The following FAM185A variants were observed in gnomAD, a reference collection of about 807,000 sequenced individuals.
FAM185A encodes family with sequence similarity 185 member A.
FAM185A carries 21 observed loss-of-function variants against 45.7 expected under a neutral mutation model. That is an observed-to-expected ratio of 0.46 (90% CI 0.33 to 0.66). The LOEUF (loss-of-function observed/expected upper bound fraction) is 0.66, where lower values mean the gene tolerates loss of function less well. Among genes scored for constraint, FAM185A ranks in the 30% least tolerant of loss-of-function variants. The pLI is 0.03. For missense variants in FAM185A, 305 were observed against 485.4 expected (o/e 0.63, Z 3.49); for synonymous variants, 117 against 194.0 (o/e 0.60, Z 3.30).
chr7:102,794,035 CAAAAAAAAAAA>C lies in FAM185A; in HGVS notation c.1066+6580_1066+6590del, dbSNP rs765672577. On this transcript the variant is annotated intron_variant, in intron 7 of 7. Transcript: ENST00000413034. ...AGCCTGGGTGACAGAGACTCTGTCT[CAAAAAAAAAAA>C]AAAAAAAAAAAAAGTAAAAGCCCTT... Among the ~76,000 whole-genome samples the C allele has an allele frequency of 8.2e-5, 5 of 60,610 alleles. No homozygotes were observed. In the Admixed American group the frequency reaches 9.0e-4, roughly 11 times the overall value. The allele number at this position is 60,610 out of a possible 152,430, so 39.8% of individuals were successfully genotyped here. A position where few individuals can be genotyped will look rare whatever the true frequency, so the allele number is the denominator to read the frequency against.
chr7:102,848,327 C>T, the FAM185A span, among the ~76,000 whole-genome samples: 16 of 46,762 alleles, frequency 3.4e-4, 3 homozygotes, highest in Admixed American at 1.8e-3. Context: ...GAGGCCGAGG[C>T]GGGCGGATCA....
the FAM185A span, among the ~76,000 whole-genome samples, chr7:102,835,377 A>G: frequency 1.1e-4 from 16 of 152,200 alleles, no homozygotes; most frequent in African/African-American, 3.9e-4. Context: ...TATTGGAATC[A>G]GTGGCCTGGA....
the FAM185A span, among the ~76,000 whole-genome samples, chr7:102,815,530 C>T: frequency 6.6e-6 from 1 of 152,130 alleles, no homozygotes; most frequent in Non-Finnish European, 1.5e-5. Context: ...CTCCCAAACA[C>T]CAGAGTTCTG....
chr7:102,754,639 C>T (rs112320093), intron 2 of FAM185A, among the ~76,000 whole-genome samples: 12,685 of 151,386 alleles, frequency 0.084, 191 homozygotes, highest in African/African-American at 0.11. Context: ...AACTCACTTG[C>T]GTTCACATAG....
chr7:102,831,394 GACACACAC>G, the FAM185A span, among the ~76,000 whole-genome samples: 306 of 141,644 alleles, frequency 2.2e-3, 2 homozygotes, highest in African/African-American at 7.2e-3. Context: ...CAGTGCCCGG[GACACACAC>G]ACACACACAC....
the FAM185A span, among the ~76,000 whole-genome samples, chr7:102,841,033 A>G: frequency 6.6e-6 from 1 of 152,162 alleles, no homozygotes; most frequent in East Asian, 1.9e-4. Context: ...GGTTATTACA[A>G]ATTATAACAT....
At chr7:102,806,894 G>A (rs6963884) in intron 7 of FAM185A, among the ~76,000 whole-genome samples, 14,323 of 152,028 alleles carry the variant, frequency 0.094, 896 homozygotes, top group East Asian at 0.29. Flanking sequence ...CTGGGGAGAC[G>A]GGGCTGCCCA....
At chr7:102,821,901 C>T in the FAM185A span, 12 of 954,642 alleles carry the variant, frequency 1.3e-5, no homozygotes, top group South Asian at 1.9e-4. Flanking sequence ...ACAATGTTAG[C>T]TTCAATTAGG....
intron 2 of FAM185A, chr7:102,755,138 C>T (rs1416852082): frequency 3.1e-5 from 12 of 384,058 alleles, no homozygotes; most frequent in African/African-American, 1.7e-4. Flanking sequence ...CGCCTCCCGT[C>T]GCCCAAGATG....
At chr7:102,836,674 T>C in the FAM185A span, among the ~76,000 whole-genome samples, 1 of 152,238 alleles carries the variant, frequency 6.6e-6, no homozygotes, top group Non-Finnish European at 1.5e-5. Context: ...TCCATATCTC[T>C]TAGCGAGTTA....
chr7:102,829,053 A>G, the FAM185A span, among the ~76,000 whole-genome samples: 1 of 152,214 alleles, frequency 6.6e-6, no homozygotes, highest in African/African-American at 2.4e-5. Context: ...TTCCCCCTAG[A>G]AACAGGACAT....
chr7:102,776,116 A>ACATATACACAC (rs1198677194), intron 5 of FAM185A, among the ~76,000 whole-genome samples: 29 of 126,524 alleles, frequency 2.3e-4, no homozygotes, highest in South Asian at 5.0e-4. Flanking sequence ...ACACACACAC[A>ACATATACACAC]AATGTTTTCT....
chr7:102,826,035 A>G, the FAM185A span, among the ~76,000 whole-genome samples: 1 of 152,180 alleles, frequency 6.6e-6, no homozygotes, highest in Admixed American at 6.6e-5. Flanking sequence ...CTCCTTTGCC[A>G]TTAATATATG....
At chr7:102,798,010 A>AT (rs1466015971) in intron 7 of FAM185A, among the ~76,000 whole-genome samples, 1 of 152,228 alleles carries the variant, frequency 6.6e-6, no homozygotes, top group East Asian at 1.9e-4. Context: ...GATCAGGTAT[A>AT]TTTTGGGTTA....
At chr7:102,769,960 TC>T (rs1375988000) in intron 4 of FAM185A, among the ~76,000 whole-genome samples, 1 of 152,004 alleles carries the variant, frequency 6.6e-6, no homozygotes, top group Admixed American at 6.6e-5. Context: ...CTCCCAAAGG[TC>T]CCACCTCATA....
intron 3 of FAM185A, among the ~76,000 whole-genome samples, chr7:102,759,249 G>A (rs1793964481): frequency 6.6e-6 from 1 of 151,964 alleles, no homozygotes; most frequent in African/African-American, 2.4e-5. Context: ...TCAAATATAA[G>A]TATCAAAGAA....
chr7:102,798,659 T>C (rs1219293051), intron 7 of FAM185A, among the ~76,000 whole-genome samples: 2 of 152,210 alleles, frequency 1.3e-5, no homozygotes, highest in African/African-American at 2.4e-5. Context: ...CTAAATGGTA[T>C]TTAAAAAGAA....
At chr7:102,848,198 A>G in the FAM185A span, among the ~76,000 whole-genome samples, 2 of 152,172 alleles carry the variant, frequency 1.3e-5, no homozygotes, top group Non-Finnish European at 2.9e-5. Flanking sequence ...ACCTGCTAAC[A>G]CTGAAATAAT....
At chr7:102,827,441 A>G in the FAM185A span, among the ~76,000 whole-genome samples, 1 of 152,158 alleles carries the variant, frequency 6.6e-6, no homozygotes, top group Non-Finnish European at 1.5e-5. Context: ...TGAGTTTGAG[A>G]GTGACTGGTT....
Sources: gnomAD v4.1 joint callset for allele counts (sites outside exome capture counted in the v4.1 genomes callset) on GRCh38, gnomAD v4.1.1 for gene constraint, MANE v1.5 for transcripts, NCBI Gene and HGNC (gene_info 2026-07-23, HGNC 2026-07-21) for gene names.